The following SLC71A2 variants were observed in gnomAD, a reference collection of about 807,000 sequenced individuals.
SLC71A2 encodes solute carrier family 71 member 2.
the SLC71A2 span, among the ~76,000 whole-genome samples, chr9:94,442,093 T>C: frequency 6.6e-6 from 1 of 152,130 alleles, no homozygotes; most frequent in Non-Finnish European, 1.5e-5. Flanking sequence ...ATATTCAGAA[T>C]AAGAAAGTGG....
chr9:94,410,511 C>T, the SLC71A2 span, among the ~76,000 whole-genome samples: 2 of 152,034 alleles, frequency 1.3e-5, no homozygotes, highest in African/African-American at 4.8e-5. Context: ...CAGGTGCACA[C>T]CACCGCTCCT....
the SLC71A2 span, among the ~76,000 whole-genome samples, chr9:94,428,037 C>T: frequency 8.0e-4 from 121 of 151,918 alleles, no homozygotes; most frequent in African/African-American, 2.7e-3. Flanking sequence ...CAAGGAGAAT[C>T]GCTTGAACCT....
the SLC71A2 span, chr9:94,445,187 A>G: frequency 1.3e-6 from 2 of 1,592,830 alleles, no homozygotes; most frequent in Non-Finnish European, 1.7e-6. Context: ...TTTGCGGTAA[A>G]TAAAAATATG....
chr9:94,447,918 T>C, the SLC71A2 span, among the ~76,000 whole-genome samples: 1 of 152,164 alleles, frequency 6.6e-6, no homozygotes, highest in African/African-American at 2.4e-5. Context: ...ATGTAGCCTT[T>C]TCAGATTGGT....
At chr9:94,410,417 C>G in the SLC71A2 span, among the ~76,000 whole-genome samples, 7 of 151,822 alleles carry the variant, frequency 4.6e-5, no homozygotes, top group Non-Finnish European at 7.4e-5. Flanking sequence ...TTTTTCCCCC[C>G]CTAAGAGATG....
chr9:94,379,089 CTTT>C, the SLC71A2 span, among the ~76,000 whole-genome samples: 3 of 84,102 alleles, frequency 3.6e-5, no homozygotes, highest in Non-Finnish European at 5.0e-5. Flanking sequence ...TGTGCATTTC[CTTT>C]TTTTTTTTTT....
At chr9:94,452,601 AAG>A in the SLC71A2 span, among the ~76,000 whole-genome samples, 3 of 145,104 alleles carry the variant, frequency 2.1e-5, no homozygotes, top group South Asian at 2.1e-4. Context: ...CATCTCAAAA[AAG>A]AGAGAGGGAG....
the SLC71A2 span, among the ~76,000 whole-genome samples, chr9:94,401,322 C>T: frequency 6.6e-6 from 1 of 152,150 alleles, no homozygotes; most frequent in Admixed American, 6.5e-5. Flanking sequence ...CAGGCGTCCG[C>T]CACCACAACC....
At chr9:94,391,028 A>T in the SLC71A2 span, among the ~76,000 whole-genome samples, 1 of 151,884 alleles carries the variant, frequency 6.6e-6, no homozygotes, top group Non-Finnish European at 1.5e-5. Flanking sequence ...TAAGTGATTG[A>T]TAAGGAGGCA....
At chr9:94,444,842 G>C in the SLC71A2 span, 1 of 790,014 alleles carries the variant, frequency 1.3e-6, no homozygotes, top group Admixed American at 2.2e-5. Context: ...GCACCTGTGG[G>C]ACCCTGGTTG....
the SLC71A2 span, among the ~76,000 whole-genome samples, chr9:94,408,847 G>T: frequency 7.2e-6 from 1 of 138,864 alleles, no homozygotes; most frequent in African/African-American, 2.7e-5. Flanking sequence ...TTTTTGAGAC[G>T]GAGTCTCGCT....
chr9:94,453,888 A>C, the SLC71A2 span: 1 of 1,070,454 alleles, frequency 9.3e-7, no homozygotes, highest in East Asian at 2.4e-5. Flanking sequence ...AAGGGTCTTC[A>C]CACACAGAGC....
At chr9:94,447,169 G>A in the SLC71A2 span, among the ~76,000 whole-genome samples, 1 of 151,234 alleles carries the variant, frequency 6.6e-6, no homozygotes, top group Non-Finnish European at 1.5e-5. Context: ...AGAATTAGCA[G>A]AAACATAATT....
the SLC71A2 span, among the ~76,000 whole-genome samples, chr9:94,385,910 A>G: frequency 6.6e-6 from 1 of 151,844 alleles, no homozygotes; most frequent in African/African-American, 2.4e-5. Flanking sequence ...TTTTTTTGAG[A>G]GAAGGTCTTG....
At chr9:94,438,444 C>T in the SLC71A2 span, 13 of 1,614,102 alleles carry the variant, frequency 8.1e-6, no homozygotes, top group Non-Finnish European at 1.1e-5. Context: ...GGTGCCCTGT[C>T]TGATGTGTGG....
chr9:94,451,580 A>G, the SLC71A2 span: 1 of 933,964 alleles, frequency 1.1e-6, no homozygotes, highest in Non-Finnish European at 1.6e-6. Context: ...CCTGATAACC[A>G]TAGTTTCACA....
the SLC71A2 span, among the ~76,000 whole-genome samples, chr9:94,400,716 C>A: frequency 6.6e-6 from 1 of 152,334 alleles, no homozygotes; most frequent in East Asian, 1.9e-4. Flanking sequence ...TTCTCCACCT[C>A]TGAAATGTTT....
At chr9:94,454,303 T>C in the SLC71A2 span, among the ~76,000 whole-genome samples, 1 of 152,214 alleles carries the variant, frequency 6.6e-6, no homozygotes, top group Non-Finnish European at 1.5e-5. Context: ...CTTAATTGAA[T>C]GTATCTCTCT....
chr9:94,439,021 C>CTTTTTTTTT, the SLC71A2 span, among the ~76,000 whole-genome samples: 2 of 75,850 alleles, frequency 2.6e-5, no homozygotes, highest in Admixed American at 1.6e-4. Context: ...AATTTGAGTT[C>CTTTTTTTTT]GTTTTTTTTT....
Sources: allele counts gnomAD v4.1 joint callset (sites outside exome capture counted in the v4.1 genomes callset), GRCh38; gene constraint gnomAD v4.1.1; transcripts MANE v1.5; gene names NCBI Gene and HGNC (gene_info 2026-07-23, HGNC 2026-07-21).